KCNQ1: variants seen among roughly 807,000 people sequenced by gnomAD.
The protein encoded by KCNQ1 is potassium voltage-gated channel subfamily KQT member 1.
Under a neutral mutation model 72.4 loss-of-function variants are expected in KCNQ1, and 49 were observed. The ratio of observed to expected loss-of-function variants is 0.68; its 90% CI spans 0.54 to 0.86. KCNQ1 has a LOEUF of 0.86. KCNQ1 is among the 40% of genes least tolerant of loss of function. The pLI is 0.00. For synonymous variants in KCNQ1, 450 were observed against 412.6 expected (o/e 1.09, Z -1.10); for missense variants, 790 against 945.1 (o/e 0.84, Z 2.15).
chr11:2,471,226 G>A lies in KCNQ1; in HGVS notation c.386+25742G>A, dbSNP rs1313135497. Among the ~76,000 whole-genome samples, 1 of 152,068 alleles carries A rather than the reference G, an allele frequency of 6.6e-6. No homozygotes were observed. Among genetic ancestry groups the A allele is most frequent in the African/African-American group, 2.4e-5 (1 of 41,400 alleles). On this transcript the variant is annotated intron_variant, in intron 1 of 15. Coordinates refer to ENST00000155840, the MANE Select transcript of KCNQ1 (RefSeq NM_000218.3). This position sits in a 1 kb window ranked among gnomAD's most constrained non-coding sequence, Gnocchi z 4.8. ...GACCTAGGACTCTGAACCTCCAACT[G>A]GTGTGGCTTCAGGGTCCCCAACTTT...
chr11:2,461,977 G>A (rs543210745), intron 1 of KCNQ1: 48 of 366,010 alleles, frequency 1.3e-4, no homozygotes, highest in Non-Finnish European at 2.1e-4. Flanking sequence ...AGGGCCTCTC[G>A]GTGAGTGTGG....
rs752881678 is a variant in KCNQ1, at chr11:2,713,295, C to T, written c.1514+51214C>T. On this transcript the variant is annotated intron_variant, in intron 11 of 15. Coordinates refer to ENST00000155840, the MANE Select transcript of KCNQ1 (RefSeq NM_000218.3). This position sits in a 1 kb window ranked among gnomAD's most constrained non-coding sequence, Gnocchi z 5.6. ...GTTCCCTGAATCACATTGTTCACTG[C>T]GCTTCTCAGGCCTTCTGGGCTCTTC... 2.6e-5 allele frequency among the ~76,000 whole-genome samples: 4 copies of T among 152,166 alleles called. No individual in the cohort carries two copies. Among genetic ancestry groups the T allele is most frequent in the Non-Finnish European group, 5.9e-5 (4 of 68,034 alleles).
At chr11:2,523,703 G>A (rs1357863658) in intron 1 of KCNQ1, among the ~76,000 whole-genome samples, 2 of 151,514 alleles carry the variant, frequency 1.3e-5, no homozygotes, top group Non-Finnish European at 2.9e-5. Context: ...GGGCAGAGGA[G>A]CTGCAGGTAA....
chr11:2,662,451 C>A, intron 11 of KCNQ1: 1 of 484,352 alleles, frequency 2.1e-6, no homozygotes, highest in Non-Finnish European at 3.6e-6. Context: ...TGGCCAAAGC[C>A]ATGGGGCAGA....
At chr11:2,666,981 G>T in intron 11 of KCNQ1, 2 of 398,738 alleles carry the variant, frequency 5.0e-6, no homozygotes, top group Non-Finnish European at 8.8e-6. Flanking sequence ...GCCCGCCCGG[G>T]AGGGCTGTAC....
In KCNQ1 at chr11:2,677,176, C is replaced by T. The variant is rs1850308411; in HGVS notation, c.1514+15095C>T. 7.5e-6 allele frequency: 3 copies of T among 398,512 alleles called. No homozygotes were observed. The South Asian group carries it at 3.8e-4, about 51-fold the overall frequency. The allele number at this position is 398,512 out of a possible 1,614,324, so 24.7% of individuals were successfully genotyped here. A position where few individuals can be genotyped will look rare whatever the true frequency, so the allele number is the denominator to read the frequency against. On this transcript the variant is annotated intron_variant, in intron 11 of 15. Coordinates refer to ENST00000155840, the MANE Select transcript of KCNQ1 (RefSeq NM_000218.3). The surrounding 1 kb of genome is among the most constrained non-coding windows in gnomAD (Gnocchi z 4.5). ...TTTCTCCCTATCCATCTTATCCCTACTTGTATCTCTGCTGACTGACCTCTT... is the reference window on the plus strand; with the variant it reads ...TTTCTCCCTATCCATCTTATCCCTATTTGTATCTCTGCTGACTGACCTCTT...
At chr11:2,476,954 G>C (rs369751102) in intron 1 of KCNQ1, among the ~76,000 whole-genome samples, 1 of 152,220 alleles carries the variant, frequency 6.6e-6, no homozygotes, top group African/African-American at 2.4e-5. Context: ...CTCCCAAAGT[G>C]CTGGGATCAC....
In KCNQ1 at chr11:2,750,751, C is replaced by A. The variant is rs549227632; in HGVS notation, c.1515-18093C>A. On this transcript the variant is annotated intron_variant, in intron 11 of 15. Transcript: ENST00000155840. The surrounding 1 kb of genome is among the most constrained non-coding windows in gnomAD (Gnocchi z 6.3). ...GCTCATAATCTCCTGGGCTGCTGGG[C>A]GAAATGGGATCCCCTGGCTCTTTCA... Among the ~76,000 whole-genome samples the A allele has an allele frequency of 6.5e-4, 99 of 152,290 alleles. 1 individual carries two copies. The South Asian group carries it at 0.02, about 30-fold the overall frequency.
At position 2,642,634 on chromosome 11, in the gene KCNQ1, CTTTATA is replaced by C. The variant is rs1331038573; in HGVS notation, c.1394-19321_1394-19316del. 1.8e-5 allele frequency: 7 copies of C among 397,410 alleles called. No homozygotes were observed. Among genetic ancestry groups the C allele is most frequent in the Admixed American group, 4.4e-5 (1 of 22,646 alleles). 24.6% of individuals were successfully genotyped at this position (397,410 alleles called of 1,614,324 possible). ...AAACCGATTTTGCATTTCATTGATCCTTTATATTTATTTAGTTTCTTGTTTAGTTCT... is the reference window on the plus strand; with the variant it reads ...AAACCGATTTTGCATTTCATTGATCCTTTATTTAGTTTCTTGTTTAGTTCT... On this transcript the variant is annotated intron_variant, in intron 10 of 15. Coordinates refer to ENST00000155840, the MANE Select transcript of KCNQ1 (RefSeq NM_000218.3). The surrounding 1 kb of genome is among the most constrained non-coding windows in gnomAD (Gnocchi z 4.3).
At position 2,698,334 on chromosome 11, in the gene KCNQ1, C is replaced by T. The variant is rs1850713334; in HGVS notation, c.1514+36253C>T. The T allele has an allele frequency of 2.5e-6, 1 of 398,586 alleles. No individual in the cohort carries two copies. The highest frequency in any genetic ancestry group is 4.4e-6 in the Non-Finnish European group (1 of 226,060). 24.7% of individuals were successfully genotyped at this position (398,586 alleles called of 1,614,324 possible). A position where few individuals can be genotyped will look rare whatever the true frequency, so the allele number is the denominator to read the frequency against. On this transcript the variant is annotated intron_variant, in intron 11 of 15. Transcript: ENST00000155840. This position sits in a 1 kb window ranked among gnomAD's most constrained non-coding sequence, Gnocchi z 5.1. ...ACCAGAACAGTGCTGTGGGAAGGCA[C>T]TCTTACTCTCAATTTTATATAAAAG...
chr11:2,668,298 T>G lies in KCNQ1; in HGVS notation c.1514+6217T>G, dbSNP rs1850119635. On this transcript the variant is annotated intron_variant, in intron 11 of 15. Coordinates refer to ENST00000155840, the MANE Select transcript of KCNQ1 (RefSeq NM_000218.3). The surrounding 1 kb of genome is among the most constrained non-coding windows in gnomAD (Gnocchi z 4.3). ...GTACATGCTTTTGGTGAGCATCAGGTTGCGTTTCTGGGGAATATATGCCTA... is the reference window on the plus strand; with the variant it reads ...GTACATGCTTTTGGTGAGCATCAGGGTGCGTTTCTGGGGAATATATGCCTA... The G allele has an allele frequency of 5.0e-6, 2 of 398,622 alleles. No individual in the cohort carries two copies. The highest frequency in any genetic ancestry group is 7.1e-5 in the East Asian group (2 of 28,072). 24.7% of individuals were successfully genotyped at this position (398,622 alleles called of 1,614,324 possible).
Position 2,646,301 on chromosome 11 carries a change from TATG to T in KCNQ1, c.1394-15657_1394-15655del, listed in dbSNP as rs373846221. On this transcript the variant is annotated intron_variant, in intron 10 of 15. Coordinates refer to ENST00000155840, the MANE Select transcript of KCNQ1 (RefSeq NM_000218.3). ...GCATCTGTATATTGCTATAGGTAAA[TATG>T]ATCATTTTAACATTTTTCTTTCAAT... The T allele has an allele frequency of 2.3e-3, 914 of 398,586 alleles. 4 individuals are homozygous for T. Among genetic ancestry groups the T allele is most frequent in the African/African-American group, 0.017 (820 of 48,728 alleles). 24.7% of individuals were successfully genotyped at this position (398,586 alleles called of 1,614,324 possible). A position where few individuals can be genotyped will look rare whatever the true frequency, so the allele number is the denominator to read the frequency against.
At chr11:2,689,942 G>T (rs558997708) in intron 11 of KCNQ1, 40 of 398,794 alleles carry the variant, frequency 1.0e-4, no homozygotes, top group African/African-American at 7.6e-4. Context: ...CTCACCCAAC[G>T]ATGACAGTGA....
chr11:2,779,043 G>A (rs1273233272), intron 15 of KCNQ1, among the ~76,000 whole-genome samples: 1 of 152,262 alleles, frequency 6.6e-6, no homozygotes, highest in Admixed American at 6.5e-5. Context: ...GCGAAGGCTG[G>A]TGTTCAGGTG....
chr11:2,729,488 A>T (rs891168541), intron 11 of KCNQ1, among the ~76,000 whole-genome samples: 65 of 152,234 alleles, frequency 4.3e-4, no homozygotes, highest in Non-Finnish European at 5.3e-4. Context: ...TTCCAAAGGG[A>T]TGTCCACCAA....
rs1225354292 is a variant in KCNQ1, at chr11:2,547,438, T to G, written c.477+19420T>G. On this transcript the variant is annotated intron_variant, in intron 2 of 15. Coordinates refer to ENST00000155840, the MANE Select transcript of KCNQ1 (RefSeq NM_000218.3). The surrounding 1 kb of genome is among the most constrained non-coding windows in gnomAD (Gnocchi z 4.2). ...TAGTAGAGACGGCGTTTCACCATTTTGGCCAGGCTGGTCTTGAACTCCTGA... is the reference window on the plus strand; with the variant it reads ...TAGTAGAGACGGCGTTTCACCATTTGGGCCAGGCTGGTCTTGAACTCCTGA... Among the ~76,000 whole-genome samples, 1 of 152,124 alleles carries G rather than the reference T, an allele frequency of 6.6e-6. No individual in the cohort carries two copies. Among genetic ancestry groups the G allele is most frequent in the East Asian group, 1.9e-4 (1 of 5,194 alleles).
rs2133977502 is a variant in KCNQ1, at chr11:2,764,883, C to T, written c.1515-3961C>T. ...CTGATGGCGGTCATTTGTGTCCCCT[C>T]CCCCATCTGATCAGTCTTCCCAAAA... On this transcript the variant is annotated intron_variant, in intron 11 of 15. Coordinates refer to ENST00000155840, the MANE Select transcript of KCNQ1 (RefSeq NM_000218.3). The surrounding 1 kb of genome is among the most constrained non-coding windows in gnomAD (Gnocchi z 4.8). 6.6e-6 allele frequency among the ~76,000 whole-genome samples: 1 copy of T among 152,272 alleles called. No homozygotes were observed. The highest frequency in any genetic ancestry group is 2.1e-4 in the South Asian group (1 of 4,820).
At chr11:2,499,520 A>ACC (rs1210679603) in intron 1 of KCNQ1, among the ~76,000 whole-genome samples, 1 of 131,380 alleles carries the variant, frequency 7.6e-6, no homozygotes, top group Non-Finnish European at 1.7e-5. Context: ...GGTTGAATGG[A>ACC]CCCCTGCCCC....
chr11:2,613,379 G>C lies in KCNQ1; in HGVS notation c.1393+24525G>C. On this transcript the variant is annotated intron_variant, in intron 10 of 15. Transcript: ENST00000155840. This position sits in a 1 kb window ranked among gnomAD's most constrained non-coding sequence, Gnocchi z 4.8. Reference sequence around the variant, plus strand: ...TGAAACATTAGGTTGCTGTGATGTGGGTTGCCTCCAATTATTTGCCACTGA... The same window carrying C: ...TGAAACATTAGGTTGCTGTGATGTGCGTTGCCTCCAATTATTTGCCACTGA... 1 of 398,460 alleles carries C rather than the reference G, an allele frequency of 2.5e-6. No individual in the cohort carries two copies. The highest frequency in any genetic ancestry group is 4.4e-6 in the Non-Finnish European group (1 of 226,048). 24.7% of individuals were successfully genotyped at this position (398,460 alleles called of 1,614,324 possible).
Sources: gnomAD v4.1 joint callset for allele counts (sites outside exome capture counted in the v4.1 genomes callset) on GRCh38, gnomAD v4.1.1 for gene constraint, Gnocchi (gnomAD v3.1) non-coding constraint, MANE v1.5 for transcripts, NCBI Gene and HGNC (gene_info 2026-07-23, HGNC 2026-07-21) for gene names.